The following ITGBL1 variants were observed in gnomAD, a reference collection of about 807,000 sequenced individuals.
ITGBL1 encodes the protein integrin subunit beta like 1.
In ITGBL1, 51 loss-of-function variants were observed where a neutral mutation model predicts 68.5. The observed-to-expected ratio is 0.74, with a 90% CI of 0.59 to 0.94. The LOEUF is 0.94. ITGBL1 is among the 40% of genes least tolerant of loss of function. ITGBL1 has a pLI of 0.00. For synonymous variants in ITGBL1, 209 were observed against 227.3 expected (o/e 0.92, Z 0.72); for missense variants, 649 against 647.4 (o/e 1.00, Z -0.03).
chr13:101,661,283 G>A (rs57431212), intron 7 of ITGBL1, among the ~76,000 whole-genome samples: 1,548 of 152,124 alleles, frequency 0.01, 28 homozygotes, highest in African/African-American at 0.035. Context: ...CCTAAACTCC[G>A]GAATATCTTG....
At chr13:101,548,924 GA>G (rs555915871) in intron 2 of ITGBL1, among the ~76,000 whole-genome samples, 96 of 151,884 alleles carry the variant, frequency 6.3e-4, no homozygotes, top group African/African-American at 2.3e-3. Flanking sequence ...AAGCTGAGTT[GA>G]AAAATAAAGG....
Position 101,579,317 on chromosome 13 carries a change from A to G in ITGBL1, c.617A>G (p.Tyr206Cys), listed in dbSNP as rs2050415138. ...GGGAAGTGTTACTGTGGAAACTGCT[A>G]CTGCAAGGCTGGTTGGCATGGAGAT... ...GHGKCYCGNC[Y>C]CKAGWHGDKC... The change falls in exon 5 of 11, where the codon TAC (tyrosine) becomes TGC (cysteine). Residue 206 changes from tyrosine (Y) to cysteine (C), a missense_variant. Transcript: ENST00000376180. 1.2e-6 allele frequency: 2 copies of G among 1,613,968 alleles called. No individual in the cohort carries two copies. Among genetic ancestry groups the G allele is most frequent in the Non-Finnish European group, 1.7e-6 (2 of 1,179,874 alleles).
chr13:101,714,507 G>A lies in ITGBL1; in HGVS notation c.1349G>A (p.Cys450Tyr), dbSNP rs777668485. The A allele has an allele frequency of 6.2e-7, 1 of 1,612,112 alleles. No homozygotes were observed. The highest frequency in any genetic ancestry group is 1.7e-5 in the Admixed American group (1 of 60,024). ...TATATTTCTGGGGAGTTCTGTGACT[G>A]TGATGACAGAGACTGCGACAAACAT... ...EWYISGEFCD[C>Y]DDRDCDKHDG... Residue 450 changes from cysteine (C) to tyrosine (Y), a missense_variant, in exon 10 of 11, where the codon TGT (cysteine) becomes TAT (tyrosine). Transcript: ENST00000376180.
At chr13:101,676,148 TTC>T (rs1186390136) in intron 7 of ITGBL1, among the ~76,000 whole-genome samples, 1 of 152,168 alleles carries the variant, frequency 6.6e-6, no homozygotes, top group African/African-American at 2.4e-5. Context: ...GTCTGTTTTT[TTC>T]TCTTTTATTT....
At chr13:101,643,213 A>AT (rs1487595877) in intron 7 of ITGBL1, among the ~76,000 whole-genome samples, 14 of 150,808 alleles carry the variant, frequency 9.3e-5, no homozygotes, top group African/African-American at 3.4e-4. Flanking sequence ...ATGTTCTTCC[A>AT]TTTGTTTGTA....
chr13:101,526,176 TTTAAG>T (rs2049375784), intron 2 of ITGBL1, among the ~76,000 whole-genome samples: 1 of 140,078 alleles, frequency 7.1e-6, no homozygotes, highest in Non-Finnish European at 1.6e-5. Context: ...TTTTAAATAC[TTTAAG>T]TTCTGGGATA....
chr13:101,580,541 T>C (rs1489038904), intron 5 of ITGBL1, among the ~76,000 whole-genome samples: 1 of 152,208 alleles, frequency 6.6e-6, no homozygotes, highest in African/African-American at 2.4e-5. Context: ...CTGCACCCAT[T>C]AACTTATCAT....
At chr13:101,714,254 C>T (rs1378958274) in intron 9 of ITGBL1, 184 bp from the exon 10 acceptor site, 2 of 592,674 alleles carry the variant, frequency 3.4e-6, no homozygotes, top group Admixed American at 3.0e-5. Flanking sequence ...TGAAGGCTTT[C>T]CTGGGTGACC....
At chr13:101,718,607 A>G (rs529138805), downstream of ITGBL1, 1 of 152,152 alleles carries the variant, frequency 6.6e-6, no homozygotes, top group South Asian at 2.1e-4. Flanking sequence ...CTTTTTCAAA[A>G]AAGTCAACTA....
chr13:101,605,355 T>A (rs2030715522), intron 7 of ITGBL1, among the ~76,000 whole-genome samples: 1 of 151,088 alleles, frequency 6.6e-6, no homozygotes, highest in South Asian at 2.1e-4. Flanking sequence ...TCTAGACATG[T>A]ATGTGTGCAT....
intron 2 of ITGBL1, among the ~76,000 whole-genome samples, chr13:101,540,824 T>G (rs1233893605): frequency 3.4e-5 from 5 of 146,750 alleles, no homozygotes. Context: ...CAATTGTGAA[T>G]GGGAGTTCAC....
intron 2 of ITGBL1, chr13:101,490,143 T>A: frequency 1.6e-6 from 1 of 607,850 alleles, no homozygotes; most frequent in South Asian, 2.0e-5. Context: ...TTAGGTTTAG[T>A]TGAGTACATG....
chr13:101,683,209 ATAACC>A (rs2033681763), intron 7 of ITGBL1, among the ~76,000 whole-genome samples: 1 of 152,064 alleles, frequency 6.6e-6, no homozygotes, highest in East Asian at 1.9e-4. Context: ...CCCTAAAAAG[ATAACC>A]TTTATTCTCA....
At chr13:101,713,688 A>G (rs1473608948) in intron 9 of ITGBL1, 1 of 152,112 alleles carries the variant, frequency 6.6e-6, no homozygotes, top group Non-Finnish European at 1.5e-5. Context: ...TTTATTTTAA[A>G]TATATCATTA....
chr13:101,608,059 C>T (rs1003682400), intron 7 of ITGBL1, among the ~76,000 whole-genome samples: 5 of 152,060 alleles, frequency 3.3e-5, no homozygotes, highest in Admixed American at 2.0e-4. Flanking sequence ...CATAACCATA[C>T]ACCCCCATAA....
At chr13:101,644,089 C>A (rs1182638838) in intron 7 of ITGBL1, among the ~76,000 whole-genome samples, 1 of 152,136 alleles carries the variant, frequency 6.6e-6, no homozygotes, top group African/African-American at 2.4e-5. Context: ...TAGCTGCTGT[C>A]TTTGAAGGAT....
chr13:101,554,165 C>T (rs1431610063), intron 2 of ITGBL1, among the ~76,000 whole-genome samples: 5 of 152,136 alleles, frequency 3.3e-5, no homozygotes, highest in African/African-American at 1.2e-4. Flanking sequence ...TATCTACAAC[C>T]ACCCTATTTC....
intron 6 of ITGBL1, among the ~76,000 whole-genome samples, chr13:101,585,665 T>TG (rs1408134932): frequency 1.3e-5 from 2 of 151,878 alleles, no homozygotes; most frequent in African/African-American, 4.8e-5. Flanking sequence ...CTCCTGACCT[T>TG]GTGATCCGCC....
chr13:101,540,424 G>A (rs2049673249), intron 2 of ITGBL1, among the ~76,000 whole-genome samples: 1 of 152,048 alleles, frequency 6.6e-6, no homozygotes, highest in African/African-American at 2.4e-5. Context: ...CTCTGTTTTG[G>A]TACCAGTACC....
Sources: gnomAD v4.1 joint callset for allele counts (sites outside exome capture counted in the v4.1 genomes callset) on GRCh38, gnomAD v4.1.1 for gene constraint, MANE v1.5 for transcripts, NCBI Gene and HGNC (gene_info 2026-07-23, HGNC 2026-07-21) for gene names.